The following CCDC178 variants were observed in gnomAD, a reference collection of about 807,000 sequenced individuals.
CCDC178 encodes the protein coiled-coil domain-containing protein 178.
Under a neutral mutation model 117.4 loss-of-function variants are expected in CCDC178, and 126 were observed. That is an observed-to-expected ratio of 1.07 (90% CI 0.93 to 1.24). The LOEUF is 1.24. Ranked by LOEUF, CCDC178 falls within the 50% of genes most tolerant of loss-of-function variation. The pLI is 0.00. For missense variants in CCDC178, 1,030 were observed against 986.9 expected, an observed-to-expected ratio of 1.04 and a Z score of -0.59; for synonymous variants, 283 against 313.4, an observed-to-expected ratio of 0.90 and a Z score of 1.02.
chr18:33,201,111 G>T (rs575216994), intron 20 of CCDC178, among the ~76,000 whole-genome samples: 1 of 152,146 alleles, frequency 6.6e-6, no homozygotes, highest in African/African-American at 2.4e-5. Flanking sequence ...ACAGGAGTGA[G>T]GTATTATTCT....
chr18:33,410,994 C>T (rs1246939619), intron 3 of CCDC178, among the ~76,000 whole-genome samples: 3 of 152,100 alleles, frequency 2.0e-5, no homozygotes, highest in South Asian at 2.1e-4. Context: ...GACCTGTAAA[C>T]GAGCTCAGCC....
intron 21 of CCDC178, among the ~76,000 whole-genome samples, chr18:33,004,642 T>C (rs1018140792): frequency 4.6e-5 from 7 of 152,048 alleles, no homozygotes; most frequent in Admixed American, 3.9e-4. Context: ...TTAAAAAGCT[T>C]CTGCACAGCA....
chr18:33,096,624 T>A (rs186928094), intron 20 of CCDC178, among the ~76,000 whole-genome samples: 1 of 151,968 alleles, frequency 6.6e-6, no homozygotes, highest in African/African-American at 2.4e-5. Context: ...AAAAAGAATA[T>A]GCCACTTTAA....
chr18:33,333,007 CAT>C (rs2062689469), intron 10 of CCDC178, among the ~76,000 whole-genome samples, 165 bp downstream of exon 10: 2 of 144,798 alleles, frequency 1.4e-5, no homozygotes, highest in Non-Finnish European at 3.0e-5. Flanking sequence ...GAAAAGAAGA[CAT>C]AGTTAAAATG....
chr18:33,430,434 C>CG (rs1322927440), intron 2 of CCDC178, among the ~76,000 whole-genome samples: 3 of 152,102 alleles, frequency 2.0e-5, no homozygotes, highest in Non-Finnish European at 2.9e-5. Context: ...CAATATTTGC[C>CG]GGCCTCTCTT....
At chr18:33,387,799 G>A (rs986758769) in intron 5 of CCDC178, among the ~76,000 whole-genome samples, 1 of 152,122 alleles carries the variant, frequency 6.6e-6, no homozygotes, top group African/African-American at 2.4e-5. Context: ...ACATAGGCAT[G>A]GAGAAAGACT....
intron 21 of CCDC178, among the ~76,000 whole-genome samples, chr18:33,059,784 C>A (rs2056893102): frequency 1.3e-5 from 2 of 152,144 alleles, no homozygotes; most frequent in Admixed American, 1.3e-4. Context: ...CGATATATTT[C>A]TTCAAGGGTA....
At chr18:33,127,893 G>T (rs545163333) in intron 20 of CCDC178, among the ~76,000 whole-genome samples, 2 of 152,256 alleles carry the variant, frequency 1.3e-5, no homozygotes, top group Admixed American at 1.3e-4. Context: ...CTGGATGAAG[G>T]ATTTGGAAGG....
At chr18:33,057,188 A>G (rs1392055596) in intron 21 of CCDC178, among the ~76,000 whole-genome samples, 2 of 152,212 alleles carry the variant, frequency 1.3e-5, no homozygotes, top group African/African-American at 2.4e-5. Context: ...CTAAGGATCA[A>G]TTGAACATAG....
intron 21 of CCDC178, among the ~76,000 whole-genome samples, chr18:33,064,837 A>G (rs2056983947): frequency 6.6e-6 from 1 of 152,186 alleles, no homozygotes; most frequent in African/African-American, 2.4e-5. Context: ...CGAACAATAA[A>G]AGAAAAAAAG....
chr18:32,946,404 C>T (rs900679528), intron 22 of CCDC178, among the ~76,000 whole-genome samples: 1 of 152,148 alleles, frequency 6.6e-6, no homozygotes, highest in Non-Finnish European at 1.5e-5. Context: ...AGAGAAATAT[C>T]ATTTGACAAA....
chr18:32,997,449 T>C lies in CCDC178; in HGVS notation c.2389-22768A>G, dbSNP rs559330099. 4.6e-5 allele frequency among the ~76,000 whole-genome samples: 7 copies of C among 152,286 alleles called. No homozygotes were observed. In the East Asian group the frequency reaches 1.2e-3, roughly 25 times the overall value. On this transcript the variant is annotated intron_variant, in intron 21 of 22. Transcript: ENST00000383096. ...AAAGGGAGGGAATTCTGCCAGCAGATAGCTTTCAGGGTCAAGCTGCAAGTT... is the reference window on the plus strand; with the variant it reads ...AAAGGGAGGGAATTCTGCCAGCAGACAGCTTTCAGGGTCAAGCTGCAAGTT...
chr18:33,276,939 A>G (rs1183341351), intron 12 of CCDC178, among the ~76,000 whole-genome samples: 1 of 152,138 alleles, frequency 6.6e-6, no homozygotes, highest in Non-Finnish European at 1.5e-5. Context: ...TACTCAATAC[A>G]TTGAAACTGA....
chr18:33,305,789 CCT>C (rs2062240070), intron 11 of CCDC178, among the ~76,000 whole-genome samples: 1 of 152,116 alleles, frequency 6.6e-6, no homozygotes, highest in Non-Finnish European at 1.5e-5. Flanking sequence ...GACAAAGTGG[CCT>C]TGGCTTCTCC....
chr18:33,413,593 A>C (rs968503608), intron 2 of CCDC178, among the ~76,000 whole-genome samples: 28 of 152,206 alleles, frequency 1.8e-4, no homozygotes, highest in Non-Finnish European at 3.2e-4. Context: ...GAATCTTCAA[A>C]AAAGCATCTA....
At position 33,224,928 on chromosome 18, in the gene CCDC178, T is replaced by C. The variant is rs141176123; in HGVS notation, c.1665A>G (p.Leu555=). 3 of 1,477,470 alleles carry C rather than the reference T, an allele frequency of 2.0e-6. No individual in the cohort carries two copies. Among genetic ancestry groups the C allele is most frequent in the Admixed American group, 2.5e-5 (1 of 40,788 alleles). 91.5% of individuals were successfully genotyped at this position (1,477,470 alleles called of 1,614,324 possible). A position where few individuals can be genotyped will look rare whatever the true frequency, so the allele number is the denominator to read the frequency against. The change falls in exon 17 of 23, where the codon CTA becomes CTG. Residue 555 remains leucine (L), a synonymous_variant. Coordinates refer to ENST00000383096, the MANE Select transcript of CCDC178 (RefSeq NM_001105528.4). ...VAAGMVLQKK[L]YSIYEVQALE... ...GTGCCTGGACTTCGTAAATGGAATATAGTTTTTTCTGCCAGCAAAGATTTT... is the reference window on the plus strand; with the variant it reads ...GTGCCTGGACTTCGTAAATGGAATACAGTTTTTTCTGCCAGCAAAGATTTT...
chr18:33,330,573 G>A (rs1303789861), intron 10 of CCDC178, among the ~76,000 whole-genome samples: 3 of 152,128 alleles, frequency 2.0e-5, no homozygotes. Flanking sequence ...TTGCATTAAT[G>A]GTGACCATAT....
chr18:33,051,097 C>G (rs9957816), intron 21 of CCDC178, among the ~76,000 whole-genome samples: 21,656 of 151,874 alleles, frequency 0.14, 2,394 homozygotes, highest in African/African-American at 0.31. Flanking sequence ...ATTTTTAGTA[C>G]AGACGGGGCT....
chr18:33,338,147 A>C (rs1265098258), intron 9 of CCDC178, among the ~76,000 whole-genome samples: 1 of 152,212 alleles, frequency 6.6e-6, no homozygotes, highest in Non-Finnish European at 1.5e-5. Context: ...AAACATATGG[A>C]AAAATGTTCA....
Sources: gnomAD v4.1 joint callset for allele counts (sites outside exome capture counted in the v4.1 genomes callset) on GRCh38, gnomAD v4.1.1 for gene constraint, MANE v1.5 for transcripts, NCBI Gene and HGNC (gene_info 2026-07-23, HGNC 2026-07-21) for gene names.